ARHGEF33: variants seen among roughly 807,000 people sequenced by gnomAD.
ARHGEF33 encodes Rho guanine nucleotide exchange factor 33, also known as DH and coiled-coil domain-containing protein ENSP00000381780.
In ARHGEF33, 72 loss-of-function variants were observed where a neutral mutation model predicts 101.9. The ratio of observed to expected loss-of-function variants is 0.71; its 90% CI spans 0.58 to 0.86. The LOEUF is 0.86. Among genes scored for constraint, ARHGEF33 ranks in the 40% least tolerant of loss-of-function variants. The pLI is 0.00. For synonymous variants in ARHGEF33, 499 were observed against 442.5 expected (o/e 1.13, Z -1.60); for missense variants, 1,169 against 1,111.3 (o/e 1.05, Z -0.74).
rs148217328 is a variant in ARHGEF33 at position 38,964,059 on chromosome 2, G to A, written c.2344-1947G>A. On this transcript the variant is annotated intron_variant, in intron 16 of 17. Transcript: ENST00000409978. The stretch of plus-strand genomic sequence containing the variant: ...TGAGTTTGTTTTCCTGCAACTAGAC[G>A]GTCCCATCTGGGGGTGATGGGTGAG... Among the ~76,000 whole-genome samples the A allele has an allele frequency of 3.1e-3, 479 of 152,156 alleles. 2 individuals carry two copies. Among genetic ancestry groups the A allele is most frequent in the Middle Eastern group, 0.01 (3 of 294 alleles).
chr2:38,919,380 T>C lies in ARHGEF33; in HGVS notation c.-68T>C. 6.6e-7 allele frequency: 1 copy of C among 1,504,518 alleles called. No individual in the cohort carries two copies. 93.2% of individuals were successfully genotyped at this position (1,504,518 alleles called of 1,614,324 possible). A position where few individuals can be genotyped will look rare whatever the true frequency, so the allele number is the denominator to read the frequency against. On this transcript the variant is annotated 5_prime_UTR_variant, in exon 3 of 18. Coordinates refer to ENST00000409978, the MANE Select transcript of ARHGEF33 (RefSeq NM_001145451.5). ...ATTGACAGGTGCAGGGAAGAGGAGG[T>C]GGCCTGAGCCAGGACGATGAGGATG... is the stretch of plus-strand genomic sequence containing the variant.
intron 2 of ARHGEF33, among the ~76,000 whole-genome samples, chr2:38,908,463 A>G (rs1666441437): frequency 6.6e-6 from 1 of 152,166 alleles, no homozygotes; most frequent in Non-Finnish European, 1.5e-5. Flanking sequence ...ATCTCTGGCC[A>G]GTGGTTGGTT....
At chr2:38,934,721 A>G (rs1667092542) in intron 7 of ARHGEF33, among the ~76,000 whole-genome samples, 1 of 150,286 alleles carries the variant, frequency 6.7e-6, no homozygotes, top group Admixed American at 6.7e-5. Context: ...GGTAAGATAT[A>G]GGAATGAACA....
At chr2:38,938,614 A>C (rs1039331591) in intron 9 of ARHGEF33, among the ~76,000 whole-genome samples, 11 of 152,250 alleles carry the variant, frequency 7.2e-5, no homozygotes, top group African/African-American at 2.7e-4. Context: ...TAAAATTCAC[A>C]GAGCTTACAT....
intron 4 of ARHGEF33, among the ~76,000 whole-genome samples, chr2:38,927,033 A>T (rs1666889755): frequency 6.6e-6 from 1 of 152,226 alleles, no homozygotes; most frequent in African/African-American, 2.4e-5. Flanking sequence ...CTGAATTAGG[A>T]CATGAGCCAA....
chr2:38,958,257 G>A (rs570579798), intron 15 of ARHGEF33, 59 bp downstream of exon 15: 1 of 1,538,558 alleles, frequency 6.5e-7, no homozygotes. Context: ...CAGCCAGTCT[G>A]TGCGGGTTAG....
intron 10 of ARHGEF33, 140 bp from the exon 11 acceptor site, chr2:38,950,849 C>A (rs1414606341): frequency 3.9e-6 from 3 of 770,522 alleles, no homozygotes; most frequent in Non-Finnish European, 6.1e-6. Flanking sequence ...CAATGAAAAA[C>A]TTTAAAAAAT....
intron 15 of ARHGEF33, among the ~76,000 whole-genome samples, chr2:38,958,887 C>T (rs549977954): frequency 1.3e-4 from 20 of 152,028 alleles, no homozygotes; most frequent in African/African-American, 4.8e-4. Context: ...ACCATGTTGG[C>T]CAGGCTGCCA....
chr2:38,945,527 G>T (rs1426323819), intron 10 of ARHGEF33, among the ~76,000 whole-genome samples: 1 of 152,234 alleles, frequency 6.6e-6, no homozygotes, highest in Non-Finnish European at 1.5e-5. Flanking sequence ...TCCCTATCTG[G>T]CCCTTCCAGT....
At chr2:38,941,534 T>C (rs1490672342) in intron 9 of ARHGEF33, among the ~76,000 whole-genome samples, 1 of 152,012 alleles carries the variant, frequency 6.6e-6, no homozygotes, top group Non-Finnish European at 1.5e-5. Context: ...TTTTGCATGT[T>C]ACCTGATTTT....
At chr2:38,921,235 G>A (rs575693786) in intron 3 of ARHGEF33, 139 bp from the exon 4 acceptor site, 8 of 616,566 alleles carry the variant, frequency 1.3e-5, no homozygotes, top group African/African-American at 3.7e-5. Context: ...CTCATTTTTT[G>A]TTCCCCTGGA....
At position 38,966,085 on chromosome 2, in the gene ARHGEF33, A is replaced by C. The variant is rs1252976754; in HGVS notation, c.2423A>C (p.Asn808Thr). ...ESEQTSFSDQNPRQDQKGGFR... is the reference protein window; with the variant it reads ...ESEQTSFSDQTPRQDQKGGFR... ...GAACAAACATCTTTCAGCGATCAAA[A>C]TCCCAGGCAAGACCAGAAGGGGGGC... The change falls in exon 17 of 18, where the codon AAT (asparagine) becomes ACT (threonine). Residue 808 changes from asparagine (N) to threonine (T), a missense_variant. Coordinates refer to ENST00000409978, the MANE Select transcript of ARHGEF33 (RefSeq NM_001145451.5). 3 of 1,551,596 alleles carry C rather than the reference A, an allele frequency of 1.9e-6. No individual in the cohort carries two copies. Among genetic ancestry groups the C allele is most frequent in the East Asian group, 4.9e-5 (2 of 40,940 alleles).
intron 17 of ARHGEF33, among the ~76,000 whole-genome samples, chr2:38,970,749 A>C (rs539084789): frequency 3.9e-5 from 6 of 152,354 alleles, no homozygotes; most frequent in African/African-American, 1.4e-4. Context: ...GTAGGCACTC[A>C]ACAAATATTT....
At position 38,966,069 on chromosome 2, in the gene ARHGEF33, T is replaced by C. The variant is rs1460203171; in HGVS notation, c.2407T>C (p.Ser803Pro). The part of the protein sequence containing the change: ...PKEERESEQT[S>P]FSDQNPRQDQ... Reference sequence around the variant, plus strand: ...AGAAGAAAGAGAAAGTGAACAAACATCTTTCAGCGATCAAAATCCCAGGCA... The same window carrying C: ...AGAAGAAAGAGAAAGTGAACAAACACCTTTCAGCGATCAAAATCCCAGGCA... Residue 803 changes from serine to proline, a missense_variant, in exon 17 of 18, where the codon TCT (serine) becomes CCT (proline). Physicochemically the swap from Ser to Pro is moderately conservative, Grantham distance 74. Transcript: ENST00000409978. 2 of 1,551,562 alleles carry C rather than the reference T, an allele frequency of 1.3e-6. No homozygotes were observed. Among genetic ancestry groups the C allele is most frequent in the African/African-American group, 2.7e-5 (2 of 73,044 alleles).
intron 9 of ARHGEF33, among the ~76,000 whole-genome samples, chr2:38,942,497 A>G (rs1408401426): frequency 8.5e-6 from 1 of 118,020 alleles, no homozygotes. Flanking sequence ...AGAAAGGGAG[A>G]TTTCTTTTCT....
chr2:38,925,535 C>T (rs1198320627), intron 4 of ARHGEF33, among the ~76,000 whole-genome samples: 1 of 152,158 alleles, frequency 6.6e-6, no homozygotes, highest in Non-Finnish European at 1.5e-5. Flanking sequence ...TTTGAAGGGT[C>T]AGCTTCTGCA....
chr2:38,963,569 A>G (rs73930385), intron 16 of ARHGEF33, among the ~76,000 whole-genome samples: 3,779 of 152,282 alleles, frequency 0.025, 188 homozygotes, highest in African/African-American at 0.086. Flanking sequence ...AGAAGATACA[A>G]TTTTTGAGTA....
Position 38,960,486 on chromosome 2 carries a change from C to G in ARHGEF33, c.2181C>G (p.Ser727Arg). The G allele has an allele frequency of 7.1e-7, 1 of 1,406,354 alleles. No homozygotes were observed. The highest frequency in any genetic ancestry group is 9.2e-7 in the Non-Finnish European group (1 of 1,082,452). 87.1% of individuals were successfully genotyped at this position (1,406,354 alleles called of 1,614,324 possible). Residue 727 changes from serine to arginine, a missense_variant, in exon 16 of 18, where the codon AGC becomes AGG. By Grantham distance (110) the Ser-to-Arg change is moderately radical (BLOSUM62 -1). Transcript: ENST00000409978. Reference sequence around the variant, plus strand: ...ACGGCGTGGCCCCACGCCTCTACAGCACGCGCAGCAGCAGCGGCGGCCGCG... The same window carrying G: ...ACGGCGTGGCCCCACGCCTCTACAGGACGCGCAGCAGCAGCGGCGGCCGCG... The part of the protein sequence containing the change: ...PADGVAPRLY[S>R]TRSSSGGRAP...
In ARHGEF33 at chr2:38,957,052, G is replaced by A; in HGVS notation, c.1370+5G>A. On this transcript the variant is annotated splice_donor_5th_base_variant and intron_variant, in intron 14 of 17. Transcript: ENST00000409978. ...GAAACGGAAAAAGCTCAAGAAGTAA[G>A]GTTCTGATGGTGTGGTCTAGAGGGT... The A allele has an allele frequency of 6.4e-7, 1 of 1,551,580 alleles. No homozygotes were observed. Among genetic ancestry groups the A allele is most frequent in the East Asian group, 2.4e-5 (1 of 40,930 alleles).
Sources: allele counts gnomAD v4.1 joint callset (sites outside exome capture counted in the v4.1 genomes callset), GRCh38; gene constraint gnomAD v4.1.1; transcripts MANE v1.5; gene names NCBI Gene and HGNC (gene_info 2026-07-23, HGNC 2026-07-21).